Variants in ITGBL1 observed in about 807,000 individuals in gnomAD.
ITGBL1 encodes integrin subunit beta like 1, also known as integrin beta-like protein 1.
Under a neutral mutation model 68.5 loss-of-function variants are expected in ITGBL1, and 51 were observed. The ratio of observed to expected loss-of-function variants is 0.74; its 90% confidence interval spans 0.59 to 0.94. The LOEUF (loss-of-function observed/expected upper bound fraction) is 0.94. Ranked by LOEUF, ITGBL1 falls within the 40% of genes least tolerant of loss-of-function variation. The probability of loss-of-function intolerance (pLI) is 0.00; values close to 1 mark genes in which losing one functional copy is unlikely to be tolerated. For synonymous variants in ITGBL1, 209 were observed against 227.3 expected (o/e 0.92, Z 0.72); for missense variants, 649 against 647.4 (o/e 1.00, Z -0.03).
chr13:101,523,243 T>A (rs932615117), intron 2 of ITGBL1, among the ~76,000 whole-genome samples: 2 of 152,188 alleles, frequency 1.3e-5, no homozygotes, highest in Non-Finnish European at 2.9e-5. Context: ...AATCTGTGAA[T>A]GACCCCAAAT....
chr13:101,629,728 T>C (rs1397223550), intron 7 of ITGBL1, among the ~76,000 whole-genome samples: 1 of 152,218 alleles, frequency 6.6e-6, no homozygotes, highest in Non-Finnish European at 1.5e-5. Context: ...ACCGTATTTA[T>C]AGTGGTCCTT....
intron 4 of ITGBL1, 151 bp downstream of exon 4, chr13:101,575,697 T>A: frequency 1.3e-6 from 1 of 787,852 alleles, no homozygotes; most frequent in East Asian, 2.6e-5. Flanking sequence ...ATAAGGAGAG[T>A]GAGACTATGG....
chr13:101,546,605 A>G (rs1462398531), intron 2 of ITGBL1, among the ~76,000 whole-genome samples: 1 of 152,124 alleles, frequency 6.6e-6, no homozygotes, highest in African/African-American at 2.4e-5. Context: ...AGAACAAACA[A>G]AGGTGAAAAG....
chr13:101,478,966 AATTT>A (rs2048576424), intron 2 of ITGBL1, among the ~76,000 whole-genome samples: 1 of 152,086 alleles, frequency 6.6e-6, no homozygotes, highest in African/African-American at 2.4e-5. Context: ...GTAATCTTAA[AATTT>A]ATTGAACTAC....
intron 6 of ITGBL1, among the ~76,000 whole-genome samples, chr13:101,591,558 A>G (rs1270596565): frequency 6.6e-6 from 1 of 152,144 alleles, no homozygotes; most frequent in Non-Finnish European, 1.5e-5. Flanking sequence ...TTTTTACTAA[A>G]AATTAGTTAA....
rs1475297714 is a variant in ITGBL1 at position 101,576,953 on chromosome 13, GA to G, written c.586+1420del. 1.9e-3 allele frequency among the ~76,000 whole-genome samples: 155 copies of G among 80,812 alleles called. 1 individual carries two copies. Among genetic ancestry groups the G allele is most frequent in the South Asian group, 0.012 (23 of 1,908 alleles). 53.0% of individuals were successfully genotyped at this position (80,812 alleles called of 152,430 possible). ...GTTTAGTTTCCAATTATTATAGATG[GA>G]AAAAAAAAAAAAGAAGAAGACGGGA... On this transcript the variant is annotated intron_variant, in intron 4 of 10. Transcript: ENST00000376180.
At chr13:101,688,882 C>T (rs1354396067) in intron 7 of ITGBL1, among the ~76,000 whole-genome samples, 5 of 151,990 alleles carry the variant, frequency 3.3e-5, no homozygotes, top group African/African-American at 4.8e-5. Flanking sequence ...GTTTAATGCA[C>T]GTGTTCAATA....
intron 2 of ITGBL1, among the ~76,000 whole-genome samples, chr13:101,476,572 C>T (rs2048539890): frequency 6.6e-6 from 1 of 151,858 alleles, no homozygotes. Flanking sequence ...CTAAACAAAA[C>T]AAATGAGACC....
chr13:101,588,386 T>A (rs2050595494), intron 6 of ITGBL1, among the ~76,000 whole-genome samples: 1 of 152,088 alleles, frequency 6.6e-6, no homozygotes, highest in African/African-American at 2.4e-5. Flanking sequence ...ATGTTCGATA[T>A]CAAGACAAAC....
chr13:101,659,387 AT>A (rs1566779674), intron 7 of ITGBL1, among the ~76,000 whole-genome samples: 2 of 152,172 alleles, frequency 1.3e-5, no homozygotes, highest in African/African-American at 4.8e-5. Context: ...AAAATGATTT[AT>A]TTTAATTAAG....
intron 2 of ITGBL1, among the ~76,000 whole-genome samples, chr13:101,470,894 C>T (rs1251293632): frequency 1.2e-5 from 1 of 80,390 alleles, no homozygotes; most frequent in Non-Finnish European, 2.4e-5. Flanking sequence ...GTGTTAAATT[C>T]TCCCAATAAA....
chr13:101,673,342 TAACTTC>T, intron 7 of ITGBL1, among the ~76,000 whole-genome samples: 1 of 152,334 alleles, frequency 6.6e-6, no homozygotes, highest in East Asian at 1.9e-4. Flanking sequence ...GCCCAATGGG[TAACTTC>T]AACAGCATCT....
chr13:101,460,597 T>G (rs2139620781), intron 2 of ITGBL1, among the ~76,000 whole-genome samples: 1 of 152,352 alleles, frequency 6.6e-6, no homozygotes, highest in African/African-American at 2.4e-5. Flanking sequence ...CTACCATGGT[T>G]TCTTAGTCTG....
intron 7 of ITGBL1, among the ~76,000 whole-genome samples, chr13:101,683,685 C>A (rs956874894): frequency 6.6e-6 from 1 of 151,818 alleles, no homozygotes; most frequent in African/African-American, 2.4e-5. Context: ...ATATTCTCAC[C>A]CTCTGCAAAA....
chr13:101,549,362 A>T (rs1304807444), intron 2 of ITGBL1, among the ~76,000 whole-genome samples: 1 of 151,980 alleles, frequency 6.6e-6, no homozygotes, highest in Non-Finnish European at 1.5e-5. Context: ...ATTTGATCAT[A>T]TGATTTAGGA....
intron 7 of ITGBL1, among the ~76,000 whole-genome samples, chr13:101,675,374 T>C (rs55735887): frequency 0.14 from 21,791 of 152,132 alleles, 1,944 homozygotes; most frequent in East Asian, 0.42. Flanking sequence ...AAAAAATTAT[T>C]AAAGACTGAA....
At chr13:101,637,492 T>C (rs527971164) in intron 7 of ITGBL1, among the ~76,000 whole-genome samples, 13 of 151,990 alleles carry the variant, frequency 8.6e-5, no homozygotes, top group South Asian at 4.2e-4. Flanking sequence ...TACAGGCACG[T>C]GCCACCACAC....
intron 7 of ITGBL1, among the ~76,000 whole-genome samples, chr13:101,673,377 A>G (rs1291906983): frequency 6.6e-6 from 1 of 152,228 alleles, no homozygotes; most frequent in Non-Finnish European, 1.5e-5. Context: ...ACTGTTGCTC[A>G]TTCTGTGTTT....
chr13:101,572,312 G>T (rs1389718509), intron 3 of ITGBL1, among the ~76,000 whole-genome samples: 1 of 152,098 alleles, frequency 6.6e-6, no homozygotes. Flanking sequence ...TGGGGAATGA[G>T]ACTGAAGGGC....
Sources: allele counts gnomAD v4.1 joint callset (sites outside exome capture counted in the v4.1 genomes callset), GRCh38; gene constraint gnomAD v4.1.1; transcripts MANE v1.5; gene names NCBI Gene and HGNC (gene_info 2026-07-23, HGNC 2026-07-21).